Variants in LRRCC1 observed in about 807,000 individuals in gnomAD.
The protein encoded by LRRCC1 is leucine rich repeat and coiled-coil centrosomal protein 1, also known as leucine-rich repeat and coiled-coil domain-containing protein 1.
Under a neutral mutation model 126.0 loss-of-function variants are expected in LRRCC1, and 115 were observed. The ratio of observed to expected loss-of-function variants is 0.91; its 90% CI spans 0.78 to 1.07. The LOEUF is 1.07. Ranked by LOEUF, LRRCC1 falls within the 50% of genes least tolerant of loss-of-function variation. LRRCC1 has a pLI of 0.00. For synonymous variants in LRRCC1, 400 were observed against 393.4 expected (o/e 1.02, Z -0.20); for missense variants, 1,172 against 1,175.7 (o/e 1.00, Z 0.05).
At position 85,110,102 on chromosome 8, in the gene LRRCC1, T is replaced by C; in HGVS notation, c.311-13T>C. 3 of 533,354 alleles carry C rather than the reference T, an allele frequency of 5.6e-6. No homozygotes were observed. Among genetic ancestry groups the C allele is most frequent in the East Asian group, 9.9e-5 (2 of 20,288 alleles). 33.0% of individuals were successfully genotyped at this position (533,354 alleles called of 1,614,324 possible). On this transcript the variant is annotated splice_polypyrimidine_tract_variant and intron_variant, in intron 2 of 18. Transcript: ENST00000360375. ...TTATAAAGGCTTTATTTTATTTTAC[T>C]TTTTTTTTTTAGGACTTGAAGAACT...
chr8:85,114,233 T>G (rs1587373429), intron 4 of LRRCC1, among the ~76,000 whole-genome samples: 1 of 152,098 alleles, frequency 6.6e-6, no homozygotes, highest in African/African-American at 2.4e-5. Flanking sequence ...AGTTGGATTT[T>G]TTTTTTTTAA....
chr8:85,120,086 G>A (rs1809422116), intron 6 of LRRCC1, among the ~76,000 whole-genome samples: 1 of 152,016 alleles, frequency 6.6e-6, no homozygotes, highest in Non-Finnish European at 1.5e-5. Flanking sequence ...ATTTTGTTCA[G>A]AGAACATATT....
chr8:85,135,948 G>C lies in LRRCC1; in HGVS notation c.2314G>C (p.Glu772Gln). Residue 772 changes from glutamate to glutamine, a missense_variant, in exon 14 of 19, where the codon GAG becomes CAG. Transcript: ENST00000360375. ...GACAGAAAGAAAAGTATGGGGACAT[G>C]AGCTGGCACAACAAGGTAAAATTCT... ...LRTERKVWGH[E>Q]LAQQGSSLAQ... The C allele has an allele frequency of 6.4e-7, 1 of 1,569,448 alleles. No individual in the cohort carries two copies. Among genetic ancestry groups the C allele is most frequent in the Non-Finnish European group, 8.6e-7 (1 of 1,159,470 alleles).
chr8:85,115,141 A>G lies in LRRCC1; in HGVS notation c.586A>G (p.Ile196Val). The change falls in exon 5 of 19, where the codon ATC (isoleucine) becomes GTC (valine). Residue 196 changes from isoleucine to valine, a missense_variant. By Grantham distance (29) the Ile-to-Val change is conservative. Transcript: ENST00000360375. The stretch of plus-strand genomic sequence containing the variant: ...TCTCCAGACTTTGCCACAGCTTAGA[A>G]TCCTAGATTGCAAGAACATATTTGG... ...VILQTLPQLRILDCKNIFGEP... is the reference protein window; with the variant it reads ...VILQTLPQLRVLDCKNIFGEP... The G allele has an allele frequency of 1.2e-6, 2 of 1,612,620 alleles. No individual in the cohort carries two copies. The highest frequency in any genetic ancestry group is 1.7e-6 in the Non-Finnish European group (2 of 1,179,344).
At chr8:85,131,172 C>G (rs1393503765) in intron 11 of LRRCC1, among the ~76,000 whole-genome samples, 3 of 152,066 alleles carry the variant, frequency 2.0e-5, no homozygotes, top group Admixed American at 6.5e-5. Context: ...TCACAAAAAT[C>G]TAGAATTTTG....
At chr8:85,134,309 T>C (rs540428552) in intron 12 of LRRCC1, among the ~76,000 whole-genome samples, 10 of 152,316 alleles carry the variant, frequency 6.6e-5, no homozygotes, top group African/African-American at 2.4e-4. Context: ...AAAGATTTTA[T>C]TCTGTGGTAT....
intron 8 of LRRCC1, among the ~76,000 whole-genome samples, chr8:85,126,078 G>A (rs543644055): frequency 1.3e-4 from 20 of 152,042 alleles, no homozygotes; most frequent in Non-Finnish European, 1.3e-4. Context: ...ATTCCCTTGC[G>A]TGCCTTGGTA....
At chr8:85,144,477 T>A (rs867898170) in intron 18 of LRRCC1, among the ~76,000 whole-genome samples, 35 of 109,022 alleles carry the variant, frequency 3.2e-4, no homozygotes, top group East Asian at 1.3e-3. Context: ...TATATATATT[T>A]TTTTTTTTTT....
chr8:85,130,933 G>A (rs1287885715), intron 11 of LRRCC1, among the ~76,000 whole-genome samples: 5 of 152,198 alleles, frequency 3.3e-5, no homozygotes, highest in South Asian at 2.1e-4. Context: ...CTGATGGGCT[G>A]TAGTTTCTCA....
rs748930508 is a variant in LRRCC1 at position 85,135,863 on chromosome 8, C to T, written c.2229C>T (p.His743=). Residue 743 remains histidine, a synonymous_variant, in exon 14 of 19, where the codon CAC becomes CAT. Transcript: ENST00000360375. Reference sequence around the variant, plus strand: ...GTATTCAAATAGAACTTCTCAAGCACGAAAAAGTCCAGCTTATTTCTGAGC... The same window carrying T: ...GTATTCAAATAGAACTTCTCAAGCATGAAAAAGTCCAGCTTATTTCTGAGC... ...QKSIQIELLK[H]EKVQLISELA... is the part of the protein sequence containing the mutation. 22 of 1,604,378 alleles carry T rather than the reference C, an allele frequency of 1.4e-5. No homozygotes were observed. Among genetic ancestry groups the T allele is most frequent in the South Asian group, 7.8e-5 (7 of 89,796 alleles).
intron 6 of LRRCC1, among the ~76,000 whole-genome samples, chr8:85,119,637 G>A (rs1032791568): frequency 1.3e-5 from 2 of 151,896 alleles, no homozygotes; most frequent in African/African-American, 2.4e-5. Context: ...GGGATTACAG[G>A]CATGTGCTAC....
rs117972022 is a variant in LRRCC1, at chr8:85,128,907, T to C, written c.1422-268T>C. Among the ~76,000 whole-genome samples the C allele has an allele frequency of 8.7e-3, 1,325 of 152,290 alleles. 19 individuals carry two copies. Among genetic ancestry groups the C allele is most frequent in the East Asian group, 0.06 (309 of 5,184 alleles). ...TTGATATTGATATCATCTTAAAAGATGTTGAACTATCTCCTCTGTATCCCA... is the reference window on the plus strand; with the variant it reads ...TTGATATTGATATCATCTTAAAAGACGTTGAACTATCTCCTCTGTATCCCA... On this transcript the variant is annotated intron_variant, in intron 9 of 18. Transcript: ENST00000360375.
At chr8:85,108,906 A>G (rs1377057347) in intron 1 of LRRCC1, 1 of 152,198 alleles carries the variant, frequency 6.6e-6, no homozygotes, top group Non-Finnish European at 1.5e-5. Context: ...GAGTGAAGAG[A>G]TGAGTTCTGT....
chr8:85,137,319 C>G (rs1810941933), intron 14 of LRRCC1, 145 bp from the exon 15 acceptor site: 2 of 438,184 alleles, frequency 4.6e-6, no homozygotes. Context: ...TTTGCTTCCC[C>G]TTTCCTCTTC....
rs776806885 is a variant in LRRCC1, at chr8:85,109,761, A to C, written c.271A>C (p.Thr91Pro). Residue 91 changes from threonine (T) to proline (P), a missense_variant, in exon 2 of 19, where the codon ACA becomes CCA. Coordinates refer to ENST00000360375, the MANE Select transcript of LRRCC1 (RefSeq NM_033402.5). Reference sequence around the variant, plus strand: ...ACTAAACACACTGACAAAACTGTGCACATTAAATTTGTCCTGCAATTTGAT... The same window carrying C: ...ACTAAACACACTGACAAAACTGTGCCCATTAAATTTGTCCTGCAATTTGAT... The part of the protein sequence containing the change: ...EGLNTLTKLC[T>P]LNLSCNLITK... The C allele has an allele frequency of 6.3e-7, 1 of 1,587,288 alleles. No individual in the cohort carries two copies. The highest frequency in any genetic ancestry group is 2.3e-5 in the East Asian group (1 of 44,368).
chr8:85,144,474 A>ATATATATATATT (rs1563963702), intron 18 of LRRCC1, among the ~76,000 whole-genome samples: 1 of 46,908 alleles, frequency 2.1e-5, no homozygotes, highest in Non-Finnish European at 5.3e-5. Context: ...ATATATATAT[A>ATATATATATATT]TTTTTTTTTT....
intron 16 of LRRCC1, 24 bp downstream of exon 16, chr8:85,138,267 C>T: frequency 6.3e-7 from 1 of 1,578,246 alleles, no homozygotes; most frequent in Non-Finnish European, 8.6e-7. Flanking sequence ...CAGTATTTCC[C>T]ACTGAGAAAT....
chr8:85,141,371 GT>G lies in LRRCC1; in HGVS notation c.2841-4del. Reference sequence around the variant, plus strand: ...TACACATATATATGTGGATGTTCTTGTTTTTTTAAGGAATGCAATGGAAAAA... The same window carrying G: ...TACACATATATATGTGGATGTTCTTGTTTTTTAAGGAATGCAATGGAAAAA... On this transcript the variant is annotated splice_polypyrimidine_tract_variant and intron_variant, in intron 17 of 18. Coordinates refer to ENST00000360375, the MANE Select transcript of LRRCC1 (RefSeq NM_033402.5). The G allele has an allele frequency of 2.5e-6, 4 of 1,605,836 alleles. No individual in the cohort carries two copies. Among genetic ancestry groups the G allele is most frequent in the Middle Eastern group, 1.7e-4 (1 of 6,016 alleles).
chr8:85,110,052 A>G (rs771645351), intron 2 of LRRCC1, 63 bp from the exon 3 acceptor site: 14 of 709,922 alleles, frequency 2.0e-5, no homozygotes, highest in Admixed American at 1.2e-4. Flanking sequence ...GTAATGCTAT[A>G]TCTCTGTAAT....
Sources: allele counts gnomAD v4.1 joint callset (sites outside exome capture counted in the v4.1 genomes callset), GRCh38; gene constraint gnomAD v4.1.1; transcripts MANE v1.5; gene names NCBI Gene and HGNC (gene_info 2026-07-23, HGNC 2026-07-21).